LPO: variants seen among roughly 807,000 people sequenced by gnomAD.
LPO encodes the protein lactoperoxidase.
LPO carries 70 observed loss-of-function variants against 68.4 expected under a neutral mutation model. The ratio of observed to expected loss-of-function variants is 1.02; its 90% CI spans 0.84 to 1.25. LPO has a LOEUF of 1.25. LPO is among the 50% of genes most tolerant of loss of function. LPO has a pLI of 0.00. For missense variants in LPO, 873 were observed against 908.4 expected, an observed-to-expected ratio of 0.96 and a Z score of 0.50; for synonymous variants, 360 against 357.6, an observed-to-expected ratio of 1.01 and a Z score of -0.08.
At chr17:58,245,758 C>T (rs145338230) in intron 3 of LPO, among the ~76,000 whole-genome samples, 248 of 152,252 alleles carry the variant, frequency 1.6e-3, no homozygotes, top group African/African-American at 5.7e-3. Flanking sequence ...GAGGGACGTG[C>T]CCAGTATTTC....
intron 9 of LPO, among the ~76,000 whole-genome samples, chr17:58,263,752 CT>C (rs781717321): frequency 3.9e-5 from 6 of 151,946 alleles, no homozygotes; most frequent in Non-Finnish European, 7.4e-5. Context: ...AAAAAAAGCA[CT>C]TCATTTTAGC....
At chr17:58,255,034 C>T in intron 9 of LPO, 63 bp downstream of exon 9, 1 of 1,557,748 alleles carries the variant, frequency 6.4e-7, no homozygotes, top group Non-Finnish European at 8.8e-7. Context: ...GCTCTGCCCT[C>T]TGCTGGCTGC....
At chr17:58,254,710 G>C (rs8178354) in intron 8 of LPO, 101 bp from the exon 9 acceptor site, 43 of 1,152,948 alleles carry the variant, frequency 3.7e-5, no homozygotes, top group Admixed American at 1.4e-4. Flanking sequence ...GGGCGGGGGG[G>C]GCGGGGCGCG....
In LPO at chr17:58,268,021, C is replaced by T; in HGVS notation, c.*27C>T. Reference sequence around the variant, plus strand: ...GGCCCGCGCTGCACAGGAAAGTTCCCTTTGGTCCACAGGGCCATTTCAAGC... The same window carrying T: ...GGCCCGCGCTGCACAGGAAAGTTCCTTTTGGTCCACAGGGCCATTTCAAGC... On this transcript the variant is annotated 3_prime_UTR_variant, in exon 13 of 13. Transcript: ENST00000262290. The T allele has an allele frequency of 6.2e-7, 1 of 1,610,468 alleles. No individual in the cohort carries two copies. Among genetic ancestry groups the T allele is most frequent in the Non-Finnish European group, 8.5e-7 (1 of 1,178,462 alleles).
At chr17:58,256,076 A>G (rs1970064412) in intron 9 of LPO, among the ~76,000 whole-genome samples, 1 of 152,144 alleles carries the variant, frequency 6.6e-6, no homozygotes, top group South Asian at 2.1e-4. Flanking sequence ...TATTTCACAG[A>G]TGTTATATAC....
chr17:58,252,471 T>C lies in LPO; in HGVS notation c.1070T>C (p.Ile357Thr). The change falls in exon 8 of 13, where the codon ATC becomes ACC. Residue 357 changes from isoleucine (I) to threonine (T), a missense_variant. Transcript: ENST00000262290. ...DSKKPSPCEF[I>T]NTTARVPCFL... ...AAGAAGCCAAGCCCCTGTGAGTTCATCAACACCACTGCCCGTGTGCCCTGC... is the reference window on the plus strand; with the variant it reads ...AAGAAGCCAAGCCCCTGTGAGTTCACCAACACCACTGCCCGTGTGCCCTGC... 1.2e-6 allele frequency: 2 copies of C among 1,613,566 alleles called. No homozygotes were observed. The highest frequency in any genetic ancestry group is 8.5e-7 in the Non-Finnish European group (1 of 1,179,778).
In LPO at chr17:58,254,820, G is replaced by T. The variant is rs762260514; in HGVS notation, c.1115G>T (p.Arg372Leu). ...CCTTCTGGGCTTTCAGGAGATTCTCGAGCCTCAGAGCATATTCTGCTGGCC... is the reference window on the plus strand; with the variant it reads ...CCTTCTGGGCTTTCAGGAGATTCTCTAGCCTCAGAGCATATTCTGCTGGCC... ...RVPCFLAGDS[R>L]ASEHILLATS... The change falls in exon 9 of 13, where the codon CGA (arginine) becomes CTA (leucine). Residue 372 changes from arginine (R) to leucine (L), a missense_variant. Coordinates refer to ENST00000262290, the MANE Select transcript of LPO (RefSeq NM_006151.3). 2.5e-6 allele frequency: 4 copies of T among 1,613,856 alleles called. No individual in the cohort carries two copies. Among genetic ancestry groups the T allele is most frequent in the Non-Finnish European group, 3.4e-6 (4 of 1,179,894 alleles).
intron 2 of LPO, chr17:58,243,755 C>T: frequency 1.8e-6 from 1 of 563,336 alleles, no homozygotes. Context: ...CATCTCTGGG[C>T]ATTCTAGTGA....
intron 8 of LPO, among the ~76,000 whole-genome samples, chr17:58,254,128 G>GATAT (rs1567819769): frequency 1.6e-4 from 18 of 114,050 alleles, no homozygotes; most frequent in African/African-American, 4.7e-4. Flanking sequence ...GATAGATGAT[G>GATAT]ATAGATATAT....
At chr17:58,250,676 C>A in intron 7 of LPO, 55 bp downstream of exon 7, 1 of 1,539,894 alleles carries the variant, frequency 6.5e-7, no homozygotes, top group Non-Finnish European at 9.0e-7. Flanking sequence ...CCTGATGTAG[C>A]AGACATTCCC....
chr17:58,246,318 G>A (rs966146177), intron 3 of LPO, among the ~76,000 whole-genome samples: 7 of 152,158 alleles, frequency 4.6e-5, no homozygotes, highest in African/African-American at 1.7e-4. Context: ...TTGAATCAGC[G>A]GTGGCATGGT....
intron 9 of LPO, among the ~76,000 whole-genome samples, chr17:58,260,013 C>T (rs1223515021): frequency 2.0e-5 from 3 of 151,948 alleles, no homozygotes; most frequent in African/African-American, 7.3e-5. Context: ...CAGAGTTTCA[C>T]CATGTTGGCC....
rs1178251863 is a variant in LPO, at chr17:58,250,498, G to A, written c.657G>A (p.Gln219=). Residue 219 remains glutamine (Q), a synonymous_variant, in exon 7 of 13, where the codon CAG becomes CAA. Coordinates refer to ENST00000262290, the MANE Select transcript of LPO (RefSeq NM_006151.3). ...AAAACAGGTCCCTGCTCTTCATGCA[G>A]TGGGGTCAGATTGTGGATCATGACC... The part of the protein sequence containing the change: ...LDQNRSLLFM[Q]WGQIVDHDLD... The A allele has an allele frequency of 1.2e-6, 2 of 1,614,080 alleles. No individual in the cohort carries two copies.
At chr17:58,265,186 A>G (rs541409285) in intron 10 of LPO, among the ~76,000 whole-genome samples, 1 of 152,334 alleles carries the variant, frequency 6.6e-6, no homozygotes, top group Non-Finnish European at 1.5e-5. Context: ...TGAGATATAC[A>G]TGTGGAGCAC....
At chr17:58,259,961 G>A (rs953227303) in intron 9 of LPO, among the ~76,000 whole-genome samples, 4 of 152,080 alleles carry the variant, frequency 2.6e-5, no homozygotes, top group Non-Finnish European at 5.9e-5. Flanking sequence ...GATTACAGGC[G>A]CCCGCCACCA....
Position 58,268,073 on chromosome 17 carries a change from C to A in LPO, c.*79C>A. 1 of 1,402,674 alleles carries A rather than the reference C, an allele frequency of 7.1e-7. No individual in the cohort carries two copies. Among genetic ancestry groups the A allele is most frequent in the Non-Finnish European group, 1.0e-6 (1 of 1,004,726 alleles). The allele number at this position is 1,402,674 out of a possible 1,614,324, so 86.9% of individuals were successfully genotyped here. On this transcript the variant is annotated 3_prime_UTR_variant, in exon 13 of 13. Coordinates refer to ENST00000262290, the MANE Select transcript of LPO (RefSeq NM_006151.3). ...AGTTCAATGACCTGGTCCCTTAGAG[C>A]TCCATATCCCAGTCCCAGCCCTTCT... is the stretch of plus-strand genomic sequence containing the variant.
intron 9 of LPO, among the ~76,000 whole-genome samples, chr17:58,259,957 A>G (rs1598030779): frequency 2.0e-5 from 3 of 152,284 alleles, no homozygotes; most frequent in Admixed American, 2.0e-4. Flanking sequence ...CTGGGATTAC[A>G]GGCGCCCGCC....
intron 9 of LPO, among the ~76,000 whole-genome samples, chr17:58,258,000 T>C (rs1459786026): frequency 3.3e-5 from 5 of 152,212 alleles, no homozygotes; most frequent in Admixed American, 2.0e-4. Context: ...TTTTTTCCTA[T>C]AGAGTTGTTT....
intron 3 of LPO, among the ~76,000 whole-genome samples, chr17:58,246,258 T>A (rs1969851024): frequency 6.6e-6 from 1 of 151,980 alleles, no homozygotes; most frequent in Admixed American, 6.5e-5. Flanking sequence ...GGATCACGCA[T>A]AAGGTGAGAG....
Sources: gnomAD v4.1 joint callset for allele counts (sites outside exome capture counted in the v4.1 genomes callset) on GRCh38, gnomAD v4.1.1 for gene constraint, MANE v1.5 for transcripts, NCBI Gene and HGNC (gene_info 2026-07-23, HGNC 2026-07-21) for gene names.